SEMA3E: variants seen among roughly 807,000 people sequenced by gnomAD.
The protein encoded by SEMA3E is semaphorin 3E.
SEMA3E carries 49 observed loss-of-function variants against 93.6 expected under a neutral mutation model. That is an observed-to-expected ratio of 0.52 (90% CI 0.42 to 0.66). SEMA3E has a LOEUF of 0.66. SEMA3E is among the 30% of genes least tolerant of loss of function. SEMA3E has a pLI of 0.00. For missense variants in SEMA3E, 906 were observed against 964.8 expected, an observed-to-expected ratio of 0.94 and a Z score of 0.81; for synonymous variants, 363 against 330.7, an observed-to-expected ratio of 1.10 and a Z score of -1.06.
At chr7:83,418,299 A>C in intron 5 of SEMA3E, 91 bp downstream of exon 5, 1 of 923,102 alleles carries the variant, frequency 1.1e-6, no homozygotes, top group Non-Finnish European at 1.7e-6. Flanking sequence ...CATAGTATGT[A>C]AAGAAATGCT....
At chr7:83,627,115 T>G (rs1429835901) in intron 1 of SEMA3E, among the ~76,000 whole-genome samples, 1 of 152,166 alleles carries the variant, frequency 6.6e-6, no homozygotes. Context: ...TGAGGAGTGT[T>G]TTACTTCCAA....
At chr7:83,432,433 A>G (rs1562780072) in intron 4 of SEMA3E, among the ~76,000 whole-genome samples, 1 of 152,218 alleles carries the variant, frequency 6.6e-6, no homozygotes, top group South Asian at 2.1e-4. Context: ...GAGTGAAAGA[A>G]TGTTAACAGA....
At chr7:83,485,426 G>A (rs1260170490) in intron 2 of SEMA3E, among the ~76,000 whole-genome samples, 2 of 152,116 alleles carry the variant, frequency 1.3e-5, no homozygotes, top group Admixed American at 6.6e-5. Context: ...TACATGCATA[G>A]CCAGGATTTA....
chr7:83,544,598 C>A (rs576766739), intron 1 of SEMA3E, among the ~76,000 whole-genome samples: 59 of 152,230 alleles, frequency 3.9e-4, no homozygotes, highest in Non-Finnish European at 7.2e-4. Context: ...ACTATTGTGA[C>A]AACTCAATGT....
intron 1 of SEMA3E, among the ~76,000 whole-genome samples, chr7:83,536,189 C>T (rs1791407635): frequency 6.6e-6 from 1 of 151,664 alleles, no homozygotes; most frequent in East Asian, 1.9e-4. Context: ...GCTTTGATCA[C>T]TTTTACCAGC....
At chr7:83,450,039 C>A (rs1362044650) in intron 4 of SEMA3E, among the ~76,000 whole-genome samples, 4 of 152,236 alleles carry the variant, frequency 2.6e-5, no homozygotes, top group Non-Finnish European at 5.9e-5. Context: ...AAAAGGCACA[C>A]AATTTTCTTG....
At chr7:83,456,123 G>T (rs562213562) in intron 4 of SEMA3E, among the ~76,000 whole-genome samples, 1 of 152,304 alleles carries the variant, frequency 6.6e-6, no homozygotes, top group African/African-American at 2.4e-5. Flanking sequence ...TGCTAAAGTC[G>T]TCTCATTCTT....
At chr7:83,537,051 T>A (rs541125455) in intron 1 of SEMA3E, among the ~76,000 whole-genome samples, 1 of 152,062 alleles carries the variant, frequency 6.6e-6, no homozygotes, top group African/African-American at 2.4e-5. Context: ...TCTCTCTCTC[T>A]CTCACTCTCT....
chr7:83,530,456 A>G, intron 1 of SEMA3E, among the ~76,000 whole-genome samples: 1 of 152,360 alleles, frequency 6.6e-6, no homozygotes, highest in African/African-American at 2.4e-5. Context: ...GATACTACAT[A>G]TATAGGTATT....
At chr7:83,600,505 T>A (rs2115979771) in intron 1 of SEMA3E, among the ~76,000 whole-genome samples, 1 of 131,372 alleles carries the variant, frequency 7.6e-6, no homozygotes. Flanking sequence ...TTTTTTTTTT[T>A]TTTTTTTTTT....
intron 4 of SEMA3E, among the ~76,000 whole-genome samples, chr7:83,425,867 A>G (rs1484438695): frequency 6.6e-6 from 1 of 152,186 alleles, no homozygotes; most frequent in African/African-American, 2.4e-5. Flanking sequence ...TCCAGAATCT[A>G]TAAGGAACTT....
chr7:83,623,381 T>C (rs993436499), intron 1 of SEMA3E, among the ~76,000 whole-genome samples: 2 of 152,140 alleles, frequency 1.3e-5, no homozygotes, highest in Non-Finnish European at 2.9e-5. Context: ...TCATAGCAGA[T>C]GAATAAGCAA....
intron 4 of SEMA3E, among the ~76,000 whole-genome samples, chr7:83,454,713 A>C (rs1789446029): frequency 6.6e-6 from 1 of 152,248 alleles, no homozygotes; most frequent in Non-Finnish European, 1.5e-5. Flanking sequence ...ATTTGGAATA[A>C]TAATCATGGC....
chr7:83,617,870 CCAA>C (rs1375094962), intron 1 of SEMA3E, among the ~76,000 whole-genome samples: 4 of 151,886 alleles, frequency 2.6e-5, no homozygotes, highest in African/African-American at 9.7e-5. Flanking sequence ...GACTATGTCA[CCAA>C]CAATCTAAAA....
At chr7:83,512,957 G>A (rs1562813978) in intron 1 of SEMA3E, among the ~76,000 whole-genome samples, 1 of 152,080 alleles carries the variant, frequency 6.6e-6, no homozygotes, top group Non-Finnish European at 1.5e-5. Context: ...ATTACTAAAG[G>A]CTAAACTAAT....
intron 1 of SEMA3E, among the ~76,000 whole-genome samples, chr7:83,493,769 A>G (rs1028423163): frequency 2.6e-5 from 4 of 151,794 alleles, no homozygotes; most frequent in African/African-American, 4.8e-5. Context: ...CATGGTTTAT[A>G]TTTTTCATGT....
chr7:83,460,404 C>T (rs979819976), intron 4 of SEMA3E, among the ~76,000 whole-genome samples: 19 of 151,900 alleles, frequency 1.3e-4, no homozygotes, highest in Admixed American at 7.2e-4. Context: ...ACATTTTATC[C>T]GTGGACCCAA....
chr7:83,541,098 T>A (rs1165422238), intron 1 of SEMA3E, among the ~76,000 whole-genome samples: 1 of 152,172 alleles, frequency 6.6e-6, no homozygotes, highest in Non-Finnish European at 1.5e-5. Flanking sequence ...GTGATCAAGT[T>A]AGGTGAGAGT....
chr7:83,602,230 T>C (rs906757096), intron 1 of SEMA3E, among the ~76,000 whole-genome samples: 1 of 152,156 alleles, frequency 6.6e-6, no homozygotes, highest in African/African-American at 2.4e-5. Flanking sequence ...GGAGTCACAA[T>C]AAAGTAGATA....
Sources: gnomAD v4.1 joint callset for allele counts (sites outside exome capture counted in the v4.1 genomes callset) on GRCh38, gnomAD v4.1.1 for gene constraint, MANE v1.5 for transcripts, NCBI Gene and HGNC (gene_info 2026-07-23, HGNC 2026-07-21) for gene names.